NFKBID: variants seen among roughly 807,000 people sequenced by gnomAD.
NFKBID encodes NFKB inhibitor delta, also known as NF-kappa-B inhibitor delta.
A neutral mutation model predicts 53.4 loss-of-function variants in NFKBID; 26 were observed. The observed-to-expected ratio is 0.49, with a 90% CI of 0.36 to 0.68. The LOEUF (loss-of-function observed/expected upper bound fraction) is 0.68, where lower values mean the gene tolerates loss of function less well. Ranked by LOEUF, NFKBID falls within the 30% of genes least tolerant of loss-of-function variation. The probability of loss-of-function intolerance (pLI) is 0.00; values close to 1 mark genes in which losing one functional copy is unlikely to be tolerated. For synonymous variants in NFKBID, 262 were observed against 259.8 expected (o/e 1.01, Z -0.08); for missense variants, 493 against 614.1 (o/e 0.80, Z 2.08).
chr19:35,901,858 C>A, upstream of NFKBID: 1 of 354,590 alleles, frequency 2.8e-6, no homozygotes, highest in Non-Finnish European at 5.3e-6. Flanking sequence ...ACTGCGGTGG[C>A]CTCTCCCCTG....
At chr19:35,892,041 C>T (rs999235401) in intron 9 of NFKBID, among the ~76,000 whole-genome samples, 1 of 151,276 alleles carries the variant, frequency 6.6e-6, no homozygotes, top group South Asian at 2.1e-4. Flanking sequence ...GAGTTCTTAT[C>T]TTTTATTATT....
chr19:35,895,313 T>C (rs1257459672), intron 9 of NFKBID, among the ~76,000 whole-genome samples: 1 of 76,650 alleles, frequency 1.3e-5, no homozygotes, highest in Non-Finnish European at 2.6e-5. Context: ...CCACTTCTAC[T>C]AAAATACAAA....
chr19:35,893,918 C>T (rs1351649559), intron 9 of NFKBID, among the ~76,000 whole-genome samples: 1 of 151,916 alleles, frequency 6.6e-6, no homozygotes, highest in East Asian at 1.9e-4. Flanking sequence ...GTTCATTCCA[C>T]TATTTTCTAT....
intron 1 of NFKBID, among the ~76,000 whole-genome samples, chr19:35,899,463 G>A (rs558501142): frequency 7.3e-5 from 11 of 151,244 alleles, no homozygotes; most frequent in African/African-American, 2.4e-4. Context: ...GTGAGGCAGG[G>A]GAAACACTTG....
chr19:35,898,401 G>T, intron 3 of NFKBID, 71 bp downstream of exon 3: 1 of 982,930 alleles, frequency 1.0e-6, no homozygotes, highest in Non-Finnish European at 1.5e-6. Flanking sequence ...GTGTCCCAAA[G>T]TTCTGAGAGC....
At chr19:35,900,376 G>T in intron 1 of NFKBID, 66 bp downstream of exon 1, 1 of 1,150,724 alleles carries the variant, frequency 8.7e-7, no homozygotes. Flanking sequence ...AGGGCCTCGG[G>T]AGTCTTTCGA....
chr19:35,900,403 C>T, intron 1 of NFKBID, 39 bp downstream of exon 1: 1 of 1,223,068 alleles, frequency 8.2e-7, no homozygotes, highest in South Asian at 4.1e-5. Context: ...GTCCCTCACT[C>T]TCTTAGGGGG....
chr19:35,900,347 C>T (rs1975491879), intron 1 of NFKBID, 95 bp downstream of exon 1: 1 of 964,144 alleles, frequency 1.0e-6, no homozygotes, highest in Non-Finnish European at 1.3e-6. Flanking sequence ...AAAGGACTGA[C>T]GCTTCAGCTC....
At chr19:35,888,755 T>A in intron 11 of NFKBID, 143 bp from the exon 12 acceptor site, 1 of 671,256 alleles carries the variant, frequency 1.5e-6, no homozygotes, top group East Asian at 2.7e-5. Flanking sequence ...AGAGTCAAGA[T>A]TTTGGAAGAG....
chr19:35,897,259 AT>A (rs112741424), intron 4 of NFKBID, among the ~76,000 whole-genome samples: 45 of 146,308 alleles, frequency 3.1e-4, no homozygotes, highest in East Asian at 1.2e-3. Context: ...GGAAAAGGGT[AT>A]TTTTTTTTTT....
chr19:35,892,430 G>A (rs1843827987), intron 9 of NFKBID, among the ~76,000 whole-genome samples: 1 of 151,314 alleles, frequency 6.6e-6, no homozygotes, highest in South Asian at 2.1e-4. Flanking sequence ...CATGCCTATA[G>A]TCCCAGCTAC....
chr19:35,900,827 CT>C (rs60365058), upstream of NFKBID, among the ~76,000 whole-genome samples: 6,271 of 107,626 alleles, frequency 0.058, 142 homozygotes, highest in African/African-American at 0.15. Flanking sequence ...TTTTTCTTTT[CT>C]TTTTTTTTTT....
At chr19:35,898,408 G>C in intron 3 of NFKBID, 64 bp downstream of exon 3, 1 of 1,054,024 alleles carries the variant, frequency 9.5e-7, no homozygotes, top group South Asian at 1.4e-5. Flanking sequence ...AAAGTTCTGA[G>C]AGCTGCGATG....
At chr19:35,900,502 G>A in exon 1 of NFKBID, 1 of 1,231,888 alleles carries the variant, frequency 8.1e-7, no homozygotes, top group East Asian at 3.2e-5. Context: ...CGCTGCGCCA[G>A]CCTCGCTGTT....
chr19:35,891,031 C>T (rs1974729402), intron 9 of NFKBID, among the ~76,000 whole-genome samples: 1 of 152,174 alleles, frequency 6.6e-6, no homozygotes, highest in Non-Finnish European at 1.5e-5. Flanking sequence ...ATTTTCCCAC[C>T]AGTGTCTGAG....
rs760925221 is a variant in NFKBID at position 35,896,269 on chromosome 19, C to T, written c.832G>A (p.Ala278Thr). The change falls in exon 8 of 12, where the codon GCT becomes ACT. Residue 278 changes from alanine (A) to threonine (T), a missense_variant and splice_region_variant. Around this residue, in one of 2 missense-constraint regions of NFKBID, gnomAD observed 267 missense variants for 384.6 expected, o/e 0.69. Coordinates refer to ENST00000641389, the Ensembl canonical transcript of NFKBID. This position sits in a 1 kb window ranked among gnomAD's most constrained non-coding sequence, Gnocchi z 5.7. ...ACCTGGACCCCAGAGTTAAGCACAG[C>T]CTGGGAGGAAGAGAAGGCAGACTGC... is the stretch of plus-strand genomic sequence containing the variant. 1.2e-6 allele frequency: 2 copies of T among 1,614,080 alleles called. No individual in the cohort carries two copies. Among genetic ancestry groups the T allele is most frequent in the Non-Finnish European group, 1.7e-6 (2 of 1,180,046 alleles).
In NFKBID at chr19:35,896,759, G is replaced by A. The variant is rs765905135; in HGVS notation, c.651C>T (p.Tyr217=). ...TATGCTCACGAATGTCAAGACGCCG[G>A]TACACCTGGAGCACCTCAGCCGCAG... Residue 217 remains tyrosine (Y), a synonymous_variant, in exon 6 of 12, where the codon TAC becomes TAT. Coordinates refer to ENST00000641389, the Ensembl canonical transcript of NFKBID. This position sits in a 1 kb window ranked among gnomAD's most constrained non-coding sequence, Gnocchi z 5.7. 3 of 1,613,862 alleles carry A rather than the reference G, an allele frequency of 1.9e-6. No individual in the cohort carries two copies. In the East Asian group the frequency reaches 6.7e-5, roughly 36 times the overall value.
At chr19:35,900,240 A>G (rs1364510308) in intron 1 of NFKBID, among the ~76,000 whole-genome samples, 2 of 149,722 alleles carry the variant, frequency 1.3e-5, no homozygotes, top group African/African-American at 4.9e-5. Context: ...AGGCCCCTGC[A>G]CCCCCAGGAC....
chr19:35,899,222 T>C (rs776544810), intron 1 of NFKBID, among the ~76,000 whole-genome samples: 9 of 152,110 alleles, frequency 5.9e-5, no homozygotes, highest in South Asian at 2.1e-4. Context: ...GTTCCCAACA[T>C]TTTTTTCCCT....
Sources: gnomAD v4.1 joint callset for allele counts (sites outside exome capture counted in the v4.1 genomes callset) on GRCh38, gnomAD v4.1.1 for gene constraint, gnomAD v4.1.1 regional missense constraint, Gnocchi (gnomAD v3.1) non-coding constraint, MANE v1.5 for transcripts, NCBI Gene and HGNC (gene_info 2026-07-23, HGNC 2026-07-21) for gene names.